The following PRKAR1A variants were observed in gnomAD, a reference collection of about 807,000 sequenced individuals.
PRKAR1A encodes cAMP-dependent protein kinase type I-alpha regulatory subunit.
PRKAR1A carries 3 observed loss-of-function variants against 52.0 expected under a neutral mutation model. The ratio of observed to expected loss-of-function variants is 0.06; its 90% CI spans 0.03 to 0.15. The LOEUF (loss-of-function observed/expected upper bound fraction) is 0.15, where lower values mean the gene tolerates loss of function less well. Ranked by LOEUF, PRKAR1A falls within the 10% of genes least tolerant of loss-of-function variation. The pLI, the probability that PRKAR1A is intolerant of heterozygous loss-of-function variation, is 1.00. For synonymous variants in PRKAR1A, 188 were observed against 168.4 expected (o/e 1.12, Z -0.90); for missense variants, 240 against 477.4 (o/e 0.50, Z 4.63).
rs2086186691 is a variant in PRKAR1A at position 68,539,211 on chromosome 17, T to G, written c.973+9210T>G. ...ACAAATGTGTAGGAAATAAGGTGAT[T>G]CATGTCATTCTACCCACTTACGTCC... On this transcript the variant is annotated intron_variant, in intron 11 of 11. Transcript: ENST00000585981. 4.8e-6 allele frequency: 4 copies of G among 829,986 alleles called. No individual in the cohort carries two copies. The South Asian group carries it at 5.7e-5, about 12-fold the overall frequency. The allele number at this position is 829,986 out of a possible 1,614,324, so 51.4% of individuals were successfully genotyped here. A position where few individuals can be genotyped will look rare whatever the true frequency, so the allele number is the denominator to read the frequency against.
At chr17:68,449,725 G>A in the PRKAR1A span, among the ~76,000 whole-genome samples, 71 of 152,286 alleles carry the variant, frequency 4.7e-4, 1 homozygote, top group African/African-American at 1.7e-3. Flanking sequence ...AGATGCTGCC[G>A]TGCTTCCTGT....
At chr17:68,457,193 T>G in the PRKAR1A span, 1 of 899,972 alleles carries the variant, frequency 1.1e-6, no homozygotes, top group Non-Finnish European at 1.6e-6. Flanking sequence ...GGTACGGGGA[T>G]AACAAGATCC....
intron 11 of PRKAR1A, chr17:68,542,741 T>G: frequency 6.2e-7 from 1 of 1,614,112 alleles, no homozygotes; most frequent in Non-Finnish European, 8.5e-7. Context: ...CTTGGTGACC[T>G]CTAGGATTTC....
At chr17:68,516,952 A>G (rs2085453984) in intron 2 of PRKAR1A, among the ~76,000 whole-genome samples, 1 of 152,208 alleles carries the variant, frequency 6.6e-6, no homozygotes, top group Non-Finnish European at 1.5e-5. Context: ...ATCAATAGAA[A>G]CCATCAAATG....
At chr17:68,427,921 ACT>A in the PRKAR1A span, among the ~76,000 whole-genome samples, 1 of 151,282 alleles carries the variant, frequency 6.6e-6, no homozygotes, top group African/African-American at 2.4e-5. Flanking sequence ...ACAGGGTCTC[ACT>A]CTGTTGCCCA....
chr17:68,535,439 G>A (rs542375741), downstream of PRKAR1A: 45 of 454,044 alleles, frequency 9.9e-5, no homozygotes, highest in South Asian at 7.0e-4. Flanking sequence ...TTTCCTGAGA[G>A]TCTTATTTGG....
the PRKAR1A span, chr17:68,424,531 A>C: frequency 1.9e-6 from 1 of 533,336 alleles, no homozygotes; most frequent in Non-Finnish European, 3.9e-6. Context: ...TCAGTGCCCA[A>C]GTGGCAGCTC....
At chr17:68,498,754 C>G in the PRKAR1A span, among the ~76,000 whole-genome samples, 1 of 152,224 alleles carries the variant, frequency 6.6e-6, no homozygotes, top group East Asian at 1.9e-4. Flanking sequence ...CTGTTGACAT[C>G]TTCTTCGAGT....
chr17:68,509,454 C>G (rs2085235610), upstream of PRKAR1A, among the ~76,000 whole-genome samples: 1 of 152,138 alleles, frequency 6.6e-6, no homozygotes, highest in South Asian at 2.1e-4. Flanking sequence ...ATGTTAGCCA[C>G]CAGTTAAACA....
Position 68,540,641 on chromosome 17 carries a change from C to T in PRKAR1A, c.974-10443C>T, listed in dbSNP as rs72849705. ...GGTGAGATGCCTGCCTTATGAGTGACGACCCCTTGAGCTTCTTCCAGTTCT... is the reference window on the plus strand; with the variant it reads ...GGTGAGATGCCTGCCTTATGAGTGATGACCCCTTGAGCTTCTTCCAGTTCT... On this transcript the variant is annotated intron_variant, in intron 11 of 11. Coordinates refer to the PRKAR1A transcript ENST00000585981. The T allele has an allele frequency of 6.1e-3, 4,153 of 681,152 alleles. 19 individuals are homozygous for T. The highest frequency in any genetic ancestry group is 8.6e-3 in the Middle Eastern group (36 of 4,174). The allele number at this position is 681,152 out of a possible 1,614,324, so 42.2% of individuals were successfully genotyped here.
At chr17:68,548,013 C>T (rs2086647767) in intron 11 of PRKAR1A, among the ~76,000 whole-genome samples, 1 of 117,308 alleles carries the variant, frequency 8.5e-6, no homozygotes, top group African/African-American at 3.1e-5. Context: ...ACTAACTGGC[C>T]TCATTTCAAT....
At chr17:68,519,509 C>A (rs533224175) in intron 2 of PRKAR1A, among the ~76,000 whole-genome samples, 1 of 152,292 alleles carries the variant, frequency 6.6e-6, no homozygotes, top group African/African-American at 2.4e-5. Context: ...CCCACCAGGT[C>A]CCTCCCACAA....
the PRKAR1A span, among the ~76,000 whole-genome samples, chr17:68,427,797 C>T: frequency 6.6e-6 from 1 of 152,216 alleles, no homozygotes; most frequent in South Asian, 2.1e-4. Flanking sequence ...GGAGAGCAGC[C>T]ATCGGTGGGG....
the PRKAR1A span, among the ~76,000 whole-genome samples, chr17:68,449,196 T>C: frequency 1.3e-5 from 2 of 152,250 alleles, no homozygotes; most frequent in Non-Finnish European, 2.9e-5. Flanking sequence ...TAAATCTGCA[T>C]GGTCACATAA....
the PRKAR1A span, among the ~76,000 whole-genome samples, chr17:68,465,464 A>G: frequency 1.3e-5 from 2 of 149,714 alleles, no homozygotes; most frequent in South Asian, 2.1e-4. Flanking sequence ...TATTATTATT[A>G]TTATTTTTTA....
At chr17:68,461,063 C>T in the PRKAR1A span, among the ~76,000 whole-genome samples, 1 of 152,172 alleles carries the variant, frequency 6.6e-6, no homozygotes, top group African/African-American at 2.4e-5. This position sits in a 1 kb window ranked among gnomAD's most constrained non-coding sequence, Gnocchi z 4.6. Flanking sequence ...AATTTCACTA[C>T]TAAATAACAT....
the PRKAR1A span, among the ~76,000 whole-genome samples, chr17:68,435,139 G>A: frequency 6.6e-6 from 1 of 151,704 alleles, no homozygotes; most frequent in African/African-American, 2.4e-5. Context: ...CCTGGGAGGC[G>A]GAGGTTGCAG....
At chr17:68,511,353 G>C (rs764132119), upstream of PRKAR1A, among the ~76,000 whole-genome samples, 1 of 151,942 alleles carries the variant, frequency 6.6e-6, no homozygotes, top group Admixed American at 6.6e-5. Context: ...AAATTGTACC[G>C]TCTCCCTTTT....
chr17:68,444,020 G>A, the PRKAR1A span, among the ~76,000 whole-genome samples: 19 of 152,110 alleles, frequency 1.2e-4, no homozygotes, highest in Non-Finnish European at 2.2e-4. Context: ...CTAGCATATC[G>A]TCGAAGTAGA....
Sources: allele counts gnomAD v4.1 joint callset (sites outside exome capture counted in the v4.1 genomes callset), GRCh38; gene constraint gnomAD v4.1.1; non-coding constraint Gnocchi (gnomAD v3.1); transcripts MANE v1.5; gene names NCBI Gene and HGNC (gene_info 2026-07-23, HGNC 2026-07-21).